SPEGNB: variants seen among roughly 807,000 people sequenced by gnomAD.
The protein encoded by SPEGNB is SPEG neighbor protein.
SPEGNB carries 12 observed loss-of-function variants against 18.3 expected under a neutral mutation model. The ratio of observed to expected loss-of-function variants is 0.65; its 90% CI spans 0.42 to 1.06. The LOEUF is 1.06. Among genes scored for constraint, SPEGNB ranks in the 50% least tolerant of loss-of-function variants. The probability of loss-of-function intolerance (pLI) is 0.00; values close to 1 mark genes in which losing one functional copy is unlikely to be tolerated. For missense variants in SPEGNB, 273 were observed against 329.3 expected (o/e 0.83, Z 1.32); for synonymous variants, 113 against 138.8 (o/e 0.81, Z 1.31).
Position 219,497,726 on chromosome 2 carries a change from C to G in SPEGNB, c.443C>G (p.Thr148Arg). The stretch of plus-strand genomic sequence containing the variant: ...TCCCCTTTCCTTCCGCTAGTCCCGA[C>G]GAAGATTCAAAAGGGACCCGACAAC... ...DSARILVEVPTKIQKGPDNTK... is the reference protein window; with the variant it reads ...DSARILVEVPRKIQKGPDNTK... Residue 148 changes from threonine to arginine, a missense_variant, in exon 4 of 5, where the codon ACG becomes AGG. Coordinates refer to ENST00000651166, the MANE Select transcript of SPEGNB (RefSeq NM_001286811.2). The G allele has an allele frequency of 7.7e-7, 1 of 1,303,782 alleles. No homozygotes were observed. Among genetic ancestry groups the G allele is most frequent in the African/African-American group, 1.5e-5 (1 of 65,956 alleles). The allele number at this position is 1,303,782 out of a possible 1,614,324, so 80.8% of individuals were successfully genotyped here.
At chr2:219,496,258 C>T in intron 1 of SPEGNB, 41 bp downstream of exon 1, 1 of 1,072,194 alleles carries the variant, frequency 9.3e-7, no homozygotes, top group Non-Finnish European at 1.2e-6. Flanking sequence ...ACCCCCATTC[C>T]TCCATCTCCC....
At chr2:219,496,750 T>G in intron 2 of SPEGNB, 59 bp from the exon 3 acceptor site, 1 of 1,182,966 alleles carries the variant, frequency 8.5e-7, no homozygotes, top group Non-Finnish European at 1.1e-6. Flanking sequence ...GCGCTCGCGG[T>G]AAGGGCTGTG....
chr2:219,498,118 G>A lies in SPEGNB; in HGVS notation c.646G>A (p.Gly216Ser). 2 of 1,304,322 alleles carry A rather than the reference G, an allele frequency of 1.5e-6. No individual in the cohort carries two copies. The highest frequency in any genetic ancestry group is 1.2e-5 in the South Asian group (1 of 81,034). The allele number at this position is 1,304,322 out of a possible 1,614,324, so 80.8% of individuals were successfully genotyped here. ...TCGCCGGGCCACGCCTCAGGACAGC[G>A]GCAAGTACGAGGTGTACGTGGAGAA... ...TIRRATPQDS[G>S]KYEVYVENSL... is the part of the protein sequence containing the mutation. The change falls in exon 5 of 5, where the codon GGC (glycine) becomes AGC (serine). Residue 216 changes from glycine (G) to serine (S), a missense_variant. Transcript: ENST00000651166.
chr2:219,496,922 C>G lies in SPEGNB; in HGVS notation c.242C>G (p.Pro81Arg). ...AKLTCRISAF[P>R]DPFIRWSKDG... ...CTCACTTGCCGCATTTCGGCTTTCCCGGACCCATTCATCCGCTGGAGTAAG... is the reference window on the plus strand; with the variant it reads ...CTCACTTGCCGCATTTCGGCTTTCCGGGACCCATTCATCCGCTGGAGTAAG... Residue 81 changes from proline (P) to arginine (R), a missense_variant, in exon 3 of 5, where the codon CCG (proline) becomes CGG (arginine). Physicochemically the swap from Pro to Arg is moderately radical, Grantham distance 103. Transcript: ENST00000651166. 3.1e-6 allele frequency: 4 copies of G among 1,302,326 alleles called. No homozygotes were observed. Among genetic ancestry groups the G allele is most frequent in the Middle Eastern group, 4.3e-4 (2 of 4,682 alleles). 80.7% of individuals were successfully genotyped at this position (1,302,326 alleles called of 1,614,324 possible). A position where few individuals can be genotyped will look rare whatever the true frequency, so the allele number is the denominator to read the frequency against.
chr2:219,496,381 G>A lies in SPEGNB; in HGVS notation c.27G>A (p.Lys9=), dbSNP rs1183540808. MSKAAPAK[K]PVAVAPAPGC... ...TGTCTAAAGCAGCTCCTGCCAAAAA[G>A]CCAGTGGCTGTGGCCCCAGCTCCTG... The change falls in exon 2 of 5, where the codon AAG becomes AAA. Residue 9 remains lysine (K), a synonymous_variant. Transcript: ENST00000651166. 1.6e-6 allele frequency: 2 copies of A among 1,282,348 alleles called. No homozygotes were observed. Among genetic ancestry groups the A allele is most frequent in the Admixed American group, 4.7e-5 (2 of 42,776 alleles). The allele number at this position is 1,282,348 out of a possible 1,614,324, so 79.4% of individuals were successfully genotyped here.
In SPEGNB at chr2:219,497,762, G is replaced by T; in HGVS notation, c.479G>T (p.Arg160Leu). 7.7e-7 allele frequency: 1 copy of T among 1,304,320 alleles called. No homozygotes were observed. Among genetic ancestry groups the T allele is most frequent in the South Asian group, 1.2e-5 (1 of 81,018 alleles). The allele number at this position is 1,304,320 out of a possible 1,614,324, so 80.8% of individuals were successfully genotyped here. A position where few individuals can be genotyped will look rare whatever the true frequency, so the allele number is the denominator to read the frequency against. ...AAGGGACCCGACAACACTAAGGCGC[G>T]CAAAGGCACCACCGTGACGCTGACT... Reference protein sequence around the residue: ...IQKGPDNTKARKGTTVTLTAE... With the variant: ...IQKGPDNTKALKGTTVTLTAE... The change falls in exon 4 of 5, where the codon CGC becomes CTC. Residue 160 changes from arginine to leucine, a missense_variant. By Grantham distance (102) the Arg-to-Leu change is moderately radical (BLOSUM62 -2). Coordinates refer to ENST00000651166, the MANE Select transcript of SPEGNB (RefSeq NM_001286811.2).
intron 2 of SPEGNB, 31 bp from the exon 3 acceptor site, chr2:219,496,778 A>C (rs745457099): frequency 1.6e-6 from 2 of 1,214,982 alleles, no homozygotes; most frequent in Non-Finnish European, 2.1e-6. Context: ...CTGTCTTAGG[A>C]ACTCTGGGCC....
intron 2 of SPEGNB, 56 bp downstream of exon 2, chr2:219,496,538 T>G: frequency 8.4e-7 from 1 of 1,185,334 alleles, no homozygotes; most frequent in Non-Finnish European, 1.1e-6. Context: ...AGCGCACTCT[T>G]GAGTAGGGTT....
chr2:219,496,999 C>A lies in SPEGNB; in HGVS notation c.319C>A (p.Pro107Thr). ...CAAGTACCGCTACGTCTTCGAGGACCCTGACGTGGTGGCACTGGTGGTGCG... is the reference window on the plus strand; with the variant it reads ...CAAGTACCGCTACGTCTTCGAGGACACTGACGTGGTGGCACTGGTGGTGCG... ...GPKYRYVFED[P>T]DVVALVVRDG... Residue 107 changes from proline to threonine, a missense_variant, in exon 3 of 5, where the codon CCT (proline) becomes ACT (threonine). Physicochemically the swap from Pro to Thr is conservative, Grantham distance 38. Coordinates refer to ENST00000651166, the MANE Select transcript of SPEGNB (RefSeq NM_001286811.2). The A allele has an allele frequency of 3.1e-6, 4 of 1,302,840 alleles. No homozygotes were observed. The highest frequency in any genetic ancestry group is 4.0e-6 in the Non-Finnish European group (4 of 987,688). The allele number at this position is 1,302,840 out of a possible 1,614,324, so 80.7% of individuals were successfully genotyped here.
Position 219,496,402 on chromosome 2 carries a change from T to C in SPEGNB, c.48T>C (p.Ala16=), listed in dbSNP as rs1179092031. 4.7e-6 allele frequency: 6 copies of C among 1,289,368 alleles called. No homozygotes were observed. The highest frequency in any genetic ancestry group is 1.2e-5 in the South Asian group (1 of 80,100). The allele number at this position is 1,289,368 out of a possible 1,614,324, so 79.9% of individuals were successfully genotyped here. ...AAAAGCCAGTGGCTGTGGCCCCAGC[T>C]CCTGGATGTACCCTGGACATCAATG... ...PAKKPVAVAP[A]PGCTLDINDP... is the part of the protein sequence containing the mutation. The change falls in exon 2 of 5, where the codon GCT becomes GCC. Residue 16 remains alanine, a synonymous_variant. Coordinates refer to ENST00000651166, the MANE Select transcript of SPEGNB (RefSeq NM_001286811.2).
rs1425366293 is a variant in SPEGNB at position 219,498,238 on chromosome 2, G to C, written c.*49G>C. The C allele has an allele frequency of 7.8e-7, 1 of 1,281,774 alleles. No homozygotes were observed. The highest frequency in any genetic ancestry group is 1.0e-6 in the Non-Finnish European group (1 of 977,706). The allele number at this position is 1,281,774 out of a possible 1,614,324, so 79.4% of individuals were successfully genotyped here. On this transcript the variant is annotated 3_prime_UTR_variant, in exon 5 of 5. Transcript: ENST00000651166. ...CTGGCGCCGAGCCCGGGGGTGGTGG[G>C]ACCCACAGCCCTCCACCAGCTTGCT...
In SPEGNB at chr2:219,498,261, G is replaced by T. The variant is rs917435444; in HGVS notation, c.*72G>T. On this transcript the variant is annotated 3_prime_UTR_variant, in exon 5 of 5. Transcript: ENST00000651166. ...GGGACCCACAGCCCTCCACCAGCTTGCTTAATAAAGCTGCTCTCTGACCCT... is the reference window on the plus strand; with the variant it reads ...GGGACCCACAGCCCTCCACCAGCTTTCTTAATAAAGCTGCTCTCTGACCCT... The T allele has an allele frequency of 1.9e-5, 24 of 1,231,748 alleles. No individual in the cohort carries two copies. Among genetic ancestry groups the T allele is most frequent in the Non-Finnish European group, 2.3e-5 (22 of 948,102 alleles). 76.3% of individuals were successfully genotyped at this position (1,231,748 alleles called of 1,614,324 possible).
intron 2 of SPEGNB, 150 bp from the exon 3 acceptor site, chr2:219,496,659 A>G (rs1694230413): frequency 1.1e-6 from 1 of 943,212 alleles, no homozygotes; most frequent in Non-Finnish European, 1.4e-6. Context: ...CTATCAGGGC[A>G]GCAGTTCAGG....
At chr2:219,496,261 C>A in intron 1 of SPEGNB, 44 bp downstream of exon 1, 1 of 1,067,546 alleles carries the variant, frequency 9.4e-7, no homozygotes, top group Non-Finnish European at 1.2e-6. Context: ...CCCATTCCTC[C>A]ATCTCCCTGA....
rs543109312 is a variant in SPEGNB, at chr2:219,496,838, C to T, written c.158C>T (p.Pro53Leu). ...CGGAAGGAGCTGCGCGAGAAGGGGCCGCCGCGGGTGCTGGAGCCGCTGAAG... is the reference window on the plus strand; with the variant it reads ...CGGAAGGAGCTGCGCGAGAAGGGGCTGCCGCGGGTGCTGGAGCCGCTGAAG... ...RSRKELREKG[P>L]PRVLEPLKDV... The change falls in exon 3 of 5, where the codon CCG (proline) becomes CTG (leucine). Residue 53 changes from proline to leucine, a missense_variant. By Grantham distance (98) the Pro-to-Leu change is moderately conservative. Coordinates refer to ENST00000651166, the MANE Select transcript of SPEGNB (RefSeq NM_001286811.2). The T allele has an allele frequency of 4.0e-5, 50 of 1,253,910 alleles. No individual in the cohort carries two copies. In the East Asian group the frequency reaches 3.0e-3, roughly 74 times the overall value. 77.7% of individuals were successfully genotyped at this position (1,253,910 alleles called of 1,614,324 possible).
In SPEGNB at chr2:219,496,233, A is replaced by T. The variant is rs981242922; in HGVS notation, c.-1+16A>T. 3.2e-6 allele frequency: 3 copies of T among 947,076 alleles called. No individual in the cohort carries two copies. The highest frequency in any genetic ancestry group is 2.7e-6 in the Non-Finnish European group (2 of 734,860). The allele number at this position is 947,076 out of a possible 1,614,324, so 58.7% of individuals were successfully genotyped here. On this transcript the variant is annotated intron_variant, in intron 1 of 4. Coordinates refer to ENST00000651166, the MANE Select transcript of SPEGNB (RefSeq NM_001286811.2). ...CCCCTCCACGGTGAGTCTGATCCTC[A>T]GAGAAGCCGCAGACACCCCCATTCC...
chr2:219,496,950 C>A lies in SPEGNB; in HGVS notation c.270C>A (p.Asp90Glu). ...ACCCATTCATCCGCTGGAGTAAGGA[C>A]GGCAAGGAGCTACGTGACGGTCCCA... Reference protein sequence around the residue: ...FPDPFIRWSKDGKELRDGPKY... With the variant: ...FPDPFIRWSKEGKELRDGPKY... The change falls in exon 3 of 5, where the codon GAC becomes GAA. Residue 90 changes from aspartate (D) to glutamate (E), a missense_variant. Physicochemically the swap from Asp to Glu is conservative, Grantham distance 45. Coordinates refer to ENST00000651166, the MANE Select transcript of SPEGNB (RefSeq NM_001286811.2). The A allele has an allele frequency of 1.5e-6, 2 of 1,303,364 alleles. No homozygotes were observed. Among genetic ancestry groups the A allele is most frequent in the Non-Finnish European group, 2.0e-6 (2 of 987,944 alleles). 80.7% of individuals were successfully genotyped at this position (1,303,364 alleles called of 1,614,324 possible). A position where few individuals can be genotyped will look rare whatever the true frequency, so the allele number is the denominator to read the frequency against.
In SPEGNB at chr2:219,496,809, G is replaced by C; in HGVS notation, c.129G>C (p.Arg43Ser). The change falls in exon 3 of 5, where the codon AGG (arginine) becomes AGC (serine). Residue 43 changes from arginine to serine, a missense_variant and splice_region_variant. Coordinates refer to ENST00000651166, the MANE Select transcript of SPEGNB (RefSeq NM_001286811.2). ...GGGCCCTGACTCGGCCCGCGGGTAG[G>C]TCCCGGAAGGAGCTGCGCGAGAAGG... ...IRIQASYRGHRSRKELREKGP... is the reference protein window; with the variant it reads ...IRIQASYRGHSSRKELREKGP... The C allele has an allele frequency of 8.1e-7, 1 of 1,239,594 alleles. No individual in the cohort carries two copies. Among genetic ancestry groups the C allele is most frequent in the African/African-American group, 1.5e-5 (1 of 64,740 alleles). 76.8% of individuals were successfully genotyped at this position (1,239,594 alleles called of 1,614,324 possible).
rs1048848729 is a variant in SPEGNB, at chr2:219,496,193, A to G, written c.-25A>G. Among the ~76,000 whole-genome samples, 2 of 152,156 alleles carry G rather than the reference A, an allele frequency of 1.3e-5. No individual in the cohort carries two copies. Among genetic ancestry groups the G allele is most frequent in the African/African-American group, 2.4e-5 (1 of 41,442 alleles). The stretch of plus-strand genomic sequence containing the variant: ...TGCCTGCAATCCAGCCAGTCGACTC[A>G]AGTCCCTAGGTCAACCCCTCCACGG... On this transcript the variant is annotated 5_prime_UTR_variant, in exon 1 of 5. Coordinates refer to ENST00000651166, the MANE Select transcript of SPEGNB (RefSeq NM_001286811.2).
Sources: allele counts gnomAD v4.1 joint callset (sites outside exome capture counted in the v4.1 genomes callset), GRCh38; gene constraint gnomAD v4.1.1; transcripts MANE v1.5; gene names NCBI Gene and HGNC (gene_info 2026-07-23, HGNC 2026-07-21).